The following CBL variants were observed in gnomAD, a reference collection of about 807,000 sequenced individuals.
CBL encodes Cbl proto-oncogene.
A neutral mutation model predicts 96.9 loss-of-function variants in CBL; 45 were observed. The ratio of observed to expected loss-of-function variants is 0.46; its 90% CI spans 0.37 to 0.60. The LOEUF (loss-of-function observed/expected upper bound fraction) is 0.60, where lower values mean the gene tolerates loss of function less well. CBL is among the 20% of genes least tolerant of loss of function. The pLI is 0.00. For synonymous variants in CBL, 420 were observed against 426.8 expected (o/e 0.98, Z 0.20); for missense variants, 1,024 against 1,143.5 (o/e 0.90, Z 1.51).
intron 1 of CBL, among the ~76,000 whole-genome samples, chr11:119,216,321 C>T (rs953738545): frequency 6.6e-6 from 1 of 151,972 alleles, no homozygotes; most frequent in Non-Finnish European, 1.5e-5. Context: ...TGCCCTCCTC[C>T]TCTCTTGGAC....
intron 1 of CBL, among the ~76,000 whole-genome samples, chr11:119,232,041 G>A (rs1463144046): frequency 1.3e-5 from 2 of 152,084 alleles, no homozygotes; most frequent in African/African-American, 2.4e-5. Flanking sequence ...GTTTGAGGCT[G>A]CACTGAGTCG....
At chr11:119,270,442 T>A (rs1158737284) in intron 2 of CBL, among the ~76,000 whole-genome samples, 128 of 39,654 alleles carry the variant, frequency 3.2e-3, no homozygotes, top group African/African-American at 0.014. Context: ...ATATATTTTT[T>A]TTTTTTTTTT....
At chr11:119,256,230 C>T (rs1197348331) in intron 2 of CBL, among the ~76,000 whole-genome samples, 3 of 150,422 alleles carry the variant, frequency 2.0e-5, no homozygotes, top group Admixed American at 6.6e-5. Context: ...CTCGCTCTGT[C>T]GCCCAGGTTG....
At chr11:119,225,298 T>C (rs889044906) in intron 1 of CBL, among the ~76,000 whole-genome samples, 4 of 152,112 alleles carry the variant, frequency 2.6e-5, no homozygotes, top group African/African-American at 7.2e-5. Context: ...GGTTTCATCA[T>C]GTTGGTCAGG....
intron 2 of CBL, among the ~76,000 whole-genome samples, chr11:119,240,199 G>A (rs1272127476): frequency 6.6e-6 from 1 of 152,056 alleles, no homozygotes; most frequent in Non-Finnish European, 1.5e-5. Flanking sequence ...GGAGGCTAAG[G>A]CACGAGAATT....
intron 2 of CBL, among the ~76,000 whole-genome samples, chr11:119,243,601 C>A (rs1200123365): frequency 6.6e-6 from 1 of 151,092 alleles, no homozygotes; most frequent in African/African-American, 2.4e-5. Context: ...AATAATATTC[C>A]ATTTTTGTAG....
intron 3 of CBL, 137 bp downstream of exon 3, chr11:119,272,018 G>A (rs1490611054): frequency 3.7e-6 from 3 of 805,348 alleles, no homozygotes; most frequent in Non-Finnish European, 6.0e-6. Context: ...TCCTGGCTTT[G>A]GTTAAATATT....
At chr11:119,274,068 G>C (rs770943321) in intron 4 of CBL, 44 bp downstream of exon 4, 1 of 1,453,676 alleles carries the variant, frequency 6.9e-7, no homozygotes, top group Admixed American at 1.8e-5. Context: ...CTGCTACTTC[G>C]GTGAAGAGAA....
At position 119,214,573 on chromosome 11, in the gene CBL, T is replaced by A. The variant is rs552150671; in HGVS notation, c.195+7961T>A. Among the ~76,000 whole-genome samples the A allele has an allele frequency of 6.6e-5, 10 of 152,360 alleles. No homozygotes were observed. The South Asian group carries it at 2.1e-3, about 32-fold the overall frequency. ...CAGTAGACATTCTCTTGAATGATAC[T>A]AAGATAGTGTTTAACTAGTATTATT... On this transcript the variant is annotated intron_variant, in intron 1 of 15. Transcript: ENST00000264033.
At chr11:119,279,766 T>C (rs763946275) in intron 9 of CBL, among the ~76,000 whole-genome samples, 1 of 152,254 alleles carries the variant, frequency 6.6e-6, no homozygotes, top group Non-Finnish European at 1.5e-5. Context: ...ATCACTGTTA[T>C]TTCTGAGGAT....
intron 2 of CBL, among the ~76,000 whole-genome samples, chr11:119,262,911 A>G (rs1289077935): frequency 2.6e-5 from 4 of 152,192 alleles, no homozygotes; most frequent in Non-Finnish European, 5.9e-5. Flanking sequence ...ATGTGTCATA[A>G]CCAAAGAGCC....
intron 2 of CBL, among the ~76,000 whole-genome samples, chr11:119,238,627 T>G (rs555754991): frequency 6.6e-6 from 1 of 152,044 alleles, no homozygotes; most frequent in East Asian, 2.0e-4. Context: ...ATCAGGAGTT[T>G]GAGACCAGCC....
At chr11:119,258,329 G>A (rs1949727020) in intron 2 of CBL, among the ~76,000 whole-genome samples, 1 of 152,182 alleles carries the variant, frequency 6.6e-6, no homozygotes, top group African/African-American at 2.4e-5. Context: ...AGGAAGCATA[G>A]TGGCTTCTGC....
At chr11:119,284,889 G>C in intron 9 of CBL, 80 bp from the exon 10 acceptor site, 1 of 1,538,470 alleles carries the variant, frequency 6.5e-7, no homozygotes, top group East Asian at 2.2e-5. Flanking sequence ...CATGGTATTT[G>C]CCATCCACAG....
intron 2 of CBL, among the ~76,000 whole-genome samples, chr11:119,235,417 A>G (rs1028635183): frequency 3.3e-5 from 5 of 152,192 alleles, no homozygotes; most frequent in African/African-American, 9.7e-5. Flanking sequence ...GAGAAAAGAA[A>G]ATGTTACTAA....
chr11:119,304,601 A>C lies in CBL; in HGVS notation c.*4820A>C, dbSNP rs1950122331. 4.3e-6 allele frequency: 1 copy of C among 231,042 alleles called. No homozygotes were observed. Among genetic ancestry groups the C allele is most frequent in the East Asian group, 6.1e-5 (1 of 16,304 alleles). The allele number at this position is 231,042 out of a possible 1,614,324, so 14.3% of individuals were successfully genotyped here. On this transcript the variant is annotated 3_prime_UTR_variant, in exon 16 of 16. Coordinates refer to ENST00000264033, the MANE Select transcript of CBL (RefSeq NM_005188.4). ...CCACCTTCCAACTCTGGGGATCACC[A>C]TGAACAAATTCTCAATTTCCCATAC...
intron 9 of CBL, among the ~76,000 whole-genome samples, chr11:119,283,297 G>A (rs972092330): frequency 5.9e-5 from 9 of 152,178 alleles, no homozygotes; most frequent in Non-Finnish European, 5.9e-5. Context: ...TTGGGAACCC[G>A]TTATCTTAAG....
chr11:119,280,821 C>T (rs1435637007), intron 9 of CBL, among the ~76,000 whole-genome samples: 1 of 152,100 alleles, frequency 6.6e-6, no homozygotes, highest in East Asian at 1.9e-4. Context: ...TTATATCTCC[C>T]TCCTCCCTAC....
chr11:119,261,616 A>G (rs1308457721), intron 2 of CBL, among the ~76,000 whole-genome samples: 1 of 152,194 alleles, frequency 6.6e-6, no homozygotes, highest in Non-Finnish European at 1.5e-5. Flanking sequence ...ATGTTTGTAT[A>G]TGTCTTTAAG....
Sources: gnomAD v4.1 joint callset for allele counts (sites outside exome capture counted in the v4.1 genomes callset) on GRCh38, gnomAD v4.1.1 for gene constraint, MANE v1.5 for transcripts, NCBI Gene and HGNC (gene_info 2026-07-23, HGNC 2026-07-21) for gene names.